The following DORIP1 variants were observed in gnomAD, a reference collection of about 807,000 sequenced individuals.
DORIP1 encodes the protein dopamine receptor interacting protein 1.
the DORIP1 span, among the ~76,000 whole-genome samples, chr14:44,898,124 C>T: frequency 3.3e-5 from 5 of 152,158 alleles, no homozygotes; most frequent in African/African-American, 1.2e-4. Flanking sequence ...AGAATAAAGC[C>T]AGCGGAATAC....
At chr14:44,904,106 C>T in the DORIP1 span, 128 of 985,092 alleles carry the variant, frequency 1.3e-4, no homozygotes, top group Non-Finnish European at 1.4e-4. Flanking sequence ...AATATAAAAG[C>T]GTTTGTATCA....
chr14:44,905,736 T>G, the DORIP1 span: 1 of 370,100 alleles, frequency 2.7e-6, no homozygotes. Context: ...TGTTTGTAAT[T>G]TTTTTATATT....
At chr14:44,898,799 C>G in the DORIP1 span, 1 of 152,100 alleles carries the variant, frequency 6.6e-6, no homozygotes, top group Non-Finnish European at 1.5e-5. Context: ...TCCACAGTAT[C>G]TTGCTTCAAA....
chr14:44,898,101 C>T, the DORIP1 span, among the ~76,000 whole-genome samples: 40 of 152,236 alleles, frequency 2.6e-4, no homozygotes, highest in South Asian at 1.2e-3. Context: ...ATTGGAGGGC[C>T]CGTAGAGCCT....
At chr14:44,902,765 A>C in the DORIP1 span, among the ~76,000 whole-genome samples, 1 of 152,152 alleles carries the variant, frequency 6.6e-6, no homozygotes. Context: ...CTTTTTAAAA[A>C]ATCCTATATT....
At chr14:44,901,189 G>T in the DORIP1 span, among the ~76,000 whole-genome samples, 3 of 152,156 alleles carry the variant, frequency 2.0e-5, no homozygotes, top group Non-Finnish European at 4.4e-5. Flanking sequence ...ATGTTGTATG[G>T]ATTTGTAGCC....
chr14:44,898,506 C>A, the DORIP1 span, among the ~76,000 whole-genome samples: 1 of 152,150 alleles, frequency 6.6e-6, no homozygotes, highest in African/African-American at 2.4e-5. Context: ...GCTCTTTAAG[C>A]AATCTTAAAC....
chr14:44,900,558 A>G, the DORIP1 span: 3 of 1,609,776 alleles, frequency 1.9e-6, no homozygotes, highest in African/African-American at 2.7e-5. Flanking sequence ...GCCGCAAAGC[A>G]GTATCCTGTA....
the DORIP1 span, chr14:44,900,894 T>G: frequency 1.9e-6 from 3 of 1,612,900 alleles, no homozygotes; most frequent in Non-Finnish European, 2.5e-6. Flanking sequence ...TTCAAGAGAG[T>G]TACTGTTCCA....
At chr14:44,903,307 A>G in the DORIP1 span, 1 of 1,602,690 alleles carries the variant, frequency 6.2e-7, no homozygotes, top group Non-Finnish European at 8.5e-7. Context: ...GTGAGTATAC[A>G]ATAGACATTT....
chr14:44,903,490 C>T, the DORIP1 span: 38 of 1,204,042 alleles, frequency 3.2e-5, no homozygotes, highest in Non-Finnish European at 3.9e-5. Context: ...AAAGCAAATA[C>T]CTTTTCTTTT....
At chr14:44,905,430 G>A in the DORIP1 span, 1 of 1,570,562 alleles carries the variant, frequency 6.4e-7, no homozygotes, top group Non-Finnish European at 8.7e-7. Context: ...CAGCTTTCCA[G>A]ATTGGTGGAC....
At chr14:44,904,961 C>T in the DORIP1 span, 1 of 170,816 alleles carries the variant, frequency 5.9e-6, no homozygotes, top group Non-Finnish European at 1.2e-5. Context: ...GTGCCTGACA[C>T]ATACTGGCTA....
the DORIP1 span, among the ~76,000 whole-genome samples, chr14:44,901,688 A>G: frequency 0.012 from 1,873 of 152,342 alleles, 31 homozygotes; most frequent in African/African-American, 0.042. Flanking sequence ...CTAGTTCCAT[A>G]TGAACAAGAA....
chr14:44,903,256 G>T, the DORIP1 span: 4 of 1,613,420 alleles, frequency 2.5e-6, no homozygotes, highest in Admixed American at 6.7e-5. Flanking sequence ...GGCTGTGAAT[G>T]AGTTATTCTG....
At chr14:44,899,823 A>ATTTTTTTTTTTTTTT in the DORIP1 span, among the ~76,000 whole-genome samples, 2 of 134,446 alleles carry the variant, frequency 1.5e-5, no homozygotes, top group East Asian at 4.0e-4. Flanking sequence ...TTCATTTAGG[A>ATTTTTTTTTTTTTTT]ATTTTTTTTT....
chr14:44,903,664 C>T, the DORIP1 span: 10,392 of 988,586 alleles, frequency 0.011, 815 homozygotes, highest in African/African-American at 0.16. Flanking sequence ...AGAAGCAGAA[C>T]ATATTCATCC....
the DORIP1 span, chr14:44,904,514 A>T: frequency 6.3e-7 from 1 of 1,598,768 alleles, no homozygotes; most frequent in East Asian, 2.2e-5. Context: ...TATTACTTGG[A>T]TTTGTCTGAT....
chr14:44,900,313 G>A, the DORIP1 span: 1 of 894,904 alleles, frequency 1.1e-6, no homozygotes, highest in Non-Finnish European at 1.5e-6. Context: ...GCTATGTTGG[G>A]AGGCCTAATA....
Sources: allele counts gnomAD v4.1 joint callset (sites outside exome capture counted in the v4.1 genomes callset), GRCh38; gene constraint gnomAD v4.1.1; transcripts MANE v1.5; gene names NCBI Gene and HGNC (gene_info 2026-07-23, HGNC 2026-07-21).